Variants in KIF15 observed in about 807,000 individuals in gnomAD.
KIF15 encodes the protein kinesin family member 15.
In KIF15, 140 loss-of-function variants were observed where a neutral mutation model predicts 190.6. The observed-to-expected ratio is 0.73, with a 90% CI of 0.64 to 0.84. KIF15 has a LOEUF of 0.84. KIF15 is among the 40% of genes least tolerant of loss of function. KIF15 has a pLI of 0.00. For missense variants in KIF15, 1,372 were observed against 1,584.4 expected (o/e 0.87, Z 2.28); for synonymous variants, 528 against 551.3 (o/e 0.96, Z 0.59).
At chr3:44,805,278 C>T in intron 15 of KIF15, 110 bp downstream of exon 15, 1 of 1,018,882 alleles carries the variant, frequency 9.8e-7, no homozygotes, top group Non-Finnish European at 1.4e-6. Context: ...ATTAAACTCT[C>T]ATAGCAGCAA....
At chr3:44,782,820 A>G (rs1448011794) in intron 5 of KIF15, among the ~76,000 whole-genome samples, 2 of 152,166 alleles carry the variant, frequency 1.3e-5, no homozygotes, top group African/African-American at 4.8e-5. Flanking sequence ...TGCACACCCA[A>G]GGATGTTTGA....
chr3:44,864,372 G>C, intron 6 of KIF15: 1 of 1,613,290 alleles, frequency 6.2e-7, no homozygotes, highest in Non-Finnish European at 8.5e-7. Context: ...TGGTGCTCTT[G>C]TCCTAAATCT....
intron 27 of KIF15, 116 bp from the exon 28 acceptor site, chr3:44,840,239 T>C (rs1698522620): frequency 3.3e-6 from 2 of 603,352 alleles, no homozygotes; most frequent in Non-Finnish European, 5.8e-6. Flanking sequence ...TGATATCTCA[T>C]TGTGGTTTTC....
At chr3:44,800,239 C>A in intron 10 of KIF15, 75 bp from the exon 11 acceptor site, 1 of 1,404,708 alleles carries the variant, frequency 7.1e-7, no homozygotes, top group Non-Finnish European at 9.9e-7. Context: ...ACAAATCATA[C>A]CAAACAAATG....
chr3:44,849,346 G>A (rs1309845743), intron 32 of KIF15, among the ~76,000 whole-genome samples: 1 of 152,076 alleles, frequency 6.6e-6, no homozygotes, highest in Non-Finnish European at 1.5e-5. Flanking sequence ...CTGTTGGCTG[G>A]GCCCAGTAGC....
chr3:44,868,295 T>C (rs1293732841), intron 6 of KIF15, among the ~76,000 whole-genome samples: 1 of 152,234 alleles, frequency 6.6e-6, no homozygotes, highest in Non-Finnish European at 1.5e-5. Flanking sequence ...CAGTTATTCA[T>C]TCCTTTTTAT....
intron 32 of KIF15, among the ~76,000 whole-genome samples, chr3:44,848,831 T>C (rs977701217): frequency 6.6e-6 from 1 of 152,180 alleles, no homozygotes; most frequent in African/African-American, 2.4e-5. Context: ...ATGAGAACAA[T>C]GTAACTACCA....
intron 10 of KIF15, among the ~76,000 whole-genome samples, chr3:44,798,924 C>T (rs1204489967): frequency 6.6e-6 from 1 of 152,170 alleles, no homozygotes; most frequent in Non-Finnish European, 1.5e-5. Flanking sequence ...CCCAGCTTGT[C>T]CTATCTGTGC....
intron 1 of KIF15, among the ~76,000 whole-genome samples, chr3:44,763,265 T>C (rs149629213): frequency 8.3e-4 from 126 of 152,352 alleles, no homozygotes; most frequent in African/African-American, 2.9e-3. Context: ...TGCAGTGGTC[T>C]TTGCAACTTT....
intron 5 of KIF15, among the ~76,000 whole-genome samples, chr3:44,783,875 A>G (rs1363784243): frequency 6.6e-6 from 1 of 152,222 alleles, no homozygotes; most frequent in Non-Finnish European, 1.5e-5. Context: ...ATAGATCTAG[A>G]TCTTTTCTAG....
chr3:44,767,669 G>A (rs1438925800), intron 1 of KIF15, among the ~76,000 whole-genome samples: 1 of 151,710 alleles, frequency 6.6e-6, no homozygotes, highest in East Asian at 1.9e-4. Context: ...GCCGAGGCGG[G>A]TGGATCATGA....
intron 1 of KIF15, among the ~76,000 whole-genome samples, chr3:44,767,881 C>T (rs527819442): frequency 5.3e-4 from 60 of 113,588 alleles, no homozygotes; most frequent in African/African-American, 1.7e-3. Flanking sequence ...GGCAACAGAG[C>T]GAGACTCCAT....
chr3:44,778,409 T>C (rs1436722820), intron 4 of KIF15, among the ~76,000 whole-genome samples: 2 of 152,100 alleles, frequency 1.3e-5, no homozygotes, highest in African/African-American at 4.8e-5. Flanking sequence ...TCTGGAAAAT[T>C]TGTTTCTTTG....
intron 7 of KIF15, among the ~76,000 whole-genome samples, chr3:44,788,859 G>C (rs995993933): frequency 6.6e-6 from 1 of 152,106 alleles, no homozygotes; most frequent in African/African-American, 2.4e-5. Flanking sequence ...AATTATCTGG[G>C]TCTTGTGAGA....
In KIF15 at chr3:44,797,575, T is replaced by C. The variant is rs769044186; in HGVS notation, c.874T>C (p.Leu292=). 3 of 1,614,078 alleles carry C rather than the reference T, an allele frequency of 1.9e-6. No homozygotes were observed. The highest frequency in any genetic ancestry group is 4.5e-5 in the East Asian group (2 of 44,876). The change falls in exon 9 of 35, where the codon TTG becomes CTG. Residue 292 remains leucine (L), a synonymous_variant. Coordinates refer to ENST00000326047, the MANE Select transcript of KIF15 (RefSeq NM_020242.3). The stretch of plus-strand genomic sequence containing the variant: ...GGAAGCAGGTAACATAAATCGATCA[T>C]TGAGCTGCCTGGGCCAAGTGATTAC... The part of the protein sequence containing the change: ...LKEAGNINRS[L]SCLGQVITAL...
At position 44,830,093 on chromosome 3, in the gene KIF15, C is replaced by A; in HGVS notation, c.3048+18C>A. 2 of 1,414,402 alleles carry A rather than the reference C, an allele frequency of 1.4e-6. No homozygotes were observed. Among genetic ancestry groups the A allele is most frequent in the Non-Finnish European group, 1.9e-6 (2 of 1,034,202 alleles). 87.6% of individuals were successfully genotyped at this position (1,414,402 alleles called of 1,614,324 possible). A position where few individuals can be genotyped will look rare whatever the true frequency, so the allele number is the denominator to read the frequency against. ...ACATAAATGTAAGTTCGGTCACCAA[C>A]AAGATGTTAAATTTGAGCATGGGAC... On this transcript the variant is annotated intron_variant, in intron 25 of 34. Transcript: ENST00000326047.
chr3:44,838,810 C>G (rs956296582), intron 27 of KIF15, among the ~76,000 whole-genome samples: 12 of 151,528 alleles, frequency 7.9e-5, no homozygotes, highest in African/African-American at 2.9e-4. Flanking sequence ...TCATGACATT[C>G]CTGCATTGGC....
intron 4 of KIF15, among the ~76,000 whole-genome samples, chr3:44,779,819 G>A (rs1452848352): frequency 1.2e-5 from 1 of 83,212 alleles, no homozygotes; most frequent in Non-Finnish European, 2.2e-5. Context: ...GGGTGACAGA[G>A]TGAAAAAAAA....
In KIF15 at chr3:44,768,228, C is replaced by T. The variant is rs555528125; in HGVS notation, c.20-6167C>T. Among the ~76,000 whole-genome samples the T allele has an allele frequency of 2.3e-4, 34 of 149,436 alleles. 1 individual carries two copies. In the East Asian group the frequency reaches 5.6e-3, roughly 25 times the overall value. ...GGTGGAGGTTGCAGTGAGCCAAGAT[C>T]GTGGCACTGCACTCCAGCCTGGTGA... is the stretch of plus-strand genomic sequence containing the variant. On this transcript the variant is annotated intron_variant, in intron 1 of 34. Coordinates refer to ENST00000326047, the MANE Select transcript of KIF15 (RefSeq NM_020242.3).
Sources: gnomAD v4.1 joint callset for allele counts (sites outside exome capture counted in the v4.1 genomes callset) on GRCh38, gnomAD v4.1.1 for gene constraint, MANE v1.5 for transcripts, NCBI Gene and HGNC (gene_info 2026-07-23, HGNC 2026-07-21) for gene names.